RGS6: variants seen among roughly 807,000 people sequenced by gnomAD.
RGS6 encodes regulator of G-protein signaling 6.
In RGS6, 30 loss-of-function variants were observed where a neutral mutation model predicts 78.5. The observed-to-expected ratio is 0.38, with a 90% CI of 0.29 to 0.52. The LOEUF (loss-of-function observed/expected upper bound fraction) is 0.52, where lower values mean the gene tolerates loss of function less well. RGS6 is among the 20% of genes least tolerant of loss of function. The pLI is 0.85. For synonymous variants in RGS6, 206 were observed against 206.0 expected (o/e 1.00, Z 0.00); for missense variants, 495 against 609.7 (o/e 0.81, Z 1.98).
the RGS6 span, among the ~76,000 whole-genome samples, chr14:72,589,779 T>C: frequency 6.6e-6 from 1 of 152,226 alleles, no homozygotes; most frequent in Non-Finnish European, 1.5e-5. Context: ...GATACATCTA[T>C]ATGCTATAAT....
intron 3 of RGS6, among the ~76,000 whole-genome samples, chr14:72,429,968 C>T (rs920787887): frequency 2.6e-5 from 4 of 152,192 alleles, no homozygotes; most frequent in African/African-American, 9.7e-5. Flanking sequence ...GAAGAAGGTA[C>T]CTTGCTTCTC....
intron 2 of RGS6, among the ~76,000 whole-genome samples, chr14:72,019,667 T>A (rs1052638651): frequency 5.9e-5 from 9 of 152,328 alleles, no homozygotes; most frequent in Admixed American, 4.6e-4. Context: ...GATGTGGATT[T>A]TTATATTCTC....
At chr14:72,118,977 A>G (rs1367389970) in intron 2 of RGS6, among the ~76,000 whole-genome samples, 3 of 152,196 alleles carry the variant, frequency 2.0e-5, no homozygotes, top group East Asian at 1.9e-4. Flanking sequence ...ACATTAGTCC[A>G]TTCTTTTGCT....
rs56369634 is a variant in RGS6, at chr14:72,404,297, G to T, written c.185-50231G>T. Among the ~76,000 whole-genome samples, 754 of 152,308 alleles carry T rather than the reference G, an allele frequency of 5.0e-3. 8 individuals carry two copies. Among genetic ancestry groups the T allele is most frequent in the African/African-American group, 0.018 (731 of 41,560 alleles). Reference sequence around the variant, plus strand: ...AAGATGCCTCAGGCTATGAAGCTGTGGGAGAGCTGGAAATTCTGGATGGAT... The same window carrying T: ...AAGATGCCTCAGGCTATGAAGCTGTTGGAGAGCTGGAAATTCTGGATGGAT... On this transcript the variant is annotated intron_variant, in intron 3 of 17. Transcript: ENST00000553525.
At chr14:72,164,001 A>G (rs956805502) in intron 2 of RGS6, among the ~76,000 whole-genome samples, 4 of 152,078 alleles carry the variant, frequency 2.6e-5, no homozygotes, top group Non-Finnish European at 4.4e-5. Context: ...AGAGGAAGGT[A>G]TGCAAAGGGA....
chr14:72,458,557 A>G (rs909961354), intron 5 of RGS6, among the ~76,000 whole-genome samples, 180 bp downstream of exon 5: 1 of 152,206 alleles, frequency 6.6e-6, no homozygotes, highest in African/African-American at 2.4e-5. Context: ...AGAGAATAGT[A>G]AAAGGCTGTC....
intron 2 of RGS6, among the ~76,000 whole-genome samples, chr14:72,289,179 T>A (rs1369508037): frequency 1.3e-5 from 2 of 152,234 alleles, no homozygotes; most frequent in Non-Finnish European, 2.9e-5. Context: ...GATCCTCATC[T>A]TTGTATTTCC....
At chr14:72,430,660 C>T (rs2094591051) in intron 3 of RGS6, among the ~76,000 whole-genome samples, 1 of 152,198 alleles carries the variant, frequency 6.6e-6, no homozygotes, top group Non-Finnish European at 1.5e-5. Context: ...CTGGCACCTG[C>T]AGGCTTTTGG....
chr14:71,991,313 C>T (rs1284358130), intron 2 of RGS6, among the ~76,000 whole-genome samples: 2 of 152,154 alleles, frequency 1.3e-5, no homozygotes, highest in African/African-American at 4.8e-5. Flanking sequence ...CTGCTGTTAC[C>T]TTCCTTTCCT....
chr14:72,120,428 T>A (rs957699214), intron 2 of RGS6, among the ~76,000 whole-genome samples: 3 of 152,196 alleles, frequency 2.0e-5, no homozygotes, highest in African/African-American at 7.2e-5. Flanking sequence ...CTGAGGTACC[T>A]CTGTAGAAAG....
chr14:72,293,887 C>T (rs1478744337), intron 2 of RGS6, among the ~76,000 whole-genome samples: 1 of 152,194 alleles, frequency 6.6e-6, no homozygotes, highest in Non-Finnish European at 1.5e-5. Flanking sequence ...ATGGGCATGG[C>T]TCTGTTCTAG....
chr14:72,498,313 A>G (rs1026085354), intron 13 of RGS6, among the ~76,000 whole-genome samples: 5 of 152,128 alleles, frequency 3.3e-5, no homozygotes, highest in African/African-American at 1.2e-4. Context: ...GTTATTCATT[A>G]GAGAATCATC....
the RGS6 span, among the ~76,000 whole-genome samples, chr14:71,900,954 C>A: frequency 6.6e-6 from 1 of 152,058 alleles, no homozygotes. Flanking sequence ...TCTTAACAAC[C>A]AGATCATGTG....
At chr14:72,617,620 C>T in the RGS6 span, among the ~76,000 whole-genome samples, 3,652 of 152,296 alleles carry the variant, frequency 0.024, 143 homozygotes, top group African/African-American at 0.083. Flanking sequence ...CCACAGGTCA[C>T]TCTGCTGAAG....
the RGS6 span, among the ~76,000 whole-genome samples, chr14:72,626,203 G>T: frequency 2.0e-5 from 3 of 152,108 alleles, no homozygotes; most frequent in Non-Finnish European, 4.4e-5. Context: ...TATGATGGTT[G>T]TAAGAGTCAA....
intron 2 of RGS6, among the ~76,000 whole-genome samples, chr14:72,188,862 C>G (rs1386999130): frequency 6.6e-6 from 1 of 152,156 alleles, no homozygotes; most frequent in Non-Finnish European, 1.5e-5. Context: ...TCTCTCTGAA[C>G]ACTACAGAGA....
chr14:72,301,381 G>A (rs547339282), intron 2 of RGS6, among the ~76,000 whole-genome samples: 10 of 152,052 alleles, frequency 6.6e-5, no homozygotes, highest in Non-Finnish European at 1.3e-4. Context: ...TCAAAGCAAC[G>A]TATCATCAGT....
intron 3 of RGS6, among the ~76,000 whole-genome samples, chr14:72,453,029 G>A (rs192621759): frequency 1.4e-3 from 210 of 152,322 alleles, no homozygotes; most frequent in African/African-American, 4.8e-3. Context: ...GGAGGACGTC[G>A]CTGGTATGCC....
chr14:72,433,698 T>C (rs988008895), intron 3 of RGS6, among the ~76,000 whole-genome samples: 1 of 152,088 alleles, frequency 6.6e-6, no homozygotes, highest in African/African-American at 2.4e-5. Context: ...CTTCCGAGTG[T>C]ACAAGATGAC....
Sources: allele counts gnomAD v4.1 joint callset (sites outside exome capture counted in the v4.1 genomes callset), GRCh38; gene constraint gnomAD v4.1.1; transcripts MANE v1.5; gene names NCBI Gene and HGNC (gene_info 2026-07-23, HGNC 2026-07-21).